Variants in KCNIP4 observed in about 807,000 individuals in gnomAD.
KCNIP4 encodes the protein Kv channel-interacting protein 4.
A neutral mutation model predicts 34.0 loss-of-function variants in KCNIP4; 12 were observed. The observed-to-expected ratio is 0.35, with a 90% CI of 0.23 to 0.57. The LOEUF (loss-of-function observed/expected upper bound fraction) is 0.57, where lower values mean the gene tolerates loss of function less well. Ranked by LOEUF, KCNIP4 falls within the 20% of genes least tolerant of loss-of-function variation. KCNIP4 has a pLI of 0.83. For synonymous variants in KCNIP4, 124 were observed against 102.2 expected (o/e 1.21, Z -1.29); for missense variants, 238 against 311.7 (o/e 0.76, Z 1.78).
intron 1 of KCNIP4, among the ~76,000 whole-genome samples, chr4:21,624,635 C>A (rs1317146048): frequency 6.6e-6 from 1 of 152,018 alleles, no homozygotes; most frequent in Non-Finnish European, 1.5e-5. Flanking sequence ...GTGCCAAAAT[C>A]TTAGAAATAA....
rs185028234 is a variant in KCNIP4, at chr4:21,558,263, A to G, written c.61+390308T>C. Among the ~76,000 whole-genome samples the G allele has an allele frequency of 8.1e-3, 1,235 of 152,200 alleles. 8 individuals carry two copies. The highest frequency in any genetic ancestry group is 0.014 in the Non-Finnish European group (952 of 68,000). ...TCCCAGCACTTTGGGAGGCCAAGGTAGGTGGATCACTTGAGGCCAGGAGTT... is the reference window on the plus strand; with the variant it reads ...TCCCAGCACTTTGGGAGGCCAAGGTGGGTGGATCACTTGAGGCCAGGAGTT... On this transcript the variant is annotated intron_variant, in intron 1 of 8. Coordinates refer to ENST00000382152, the MANE Select transcript of KCNIP4 (RefSeq NM_025221.6).
intron 1 of KCNIP4, among the ~76,000 whole-genome samples, chr4:21,824,549 T>C (rs1007990850): frequency 2.0e-5 from 3 of 152,056 alleles, no homozygotes; most frequent in East Asian, 1.9e-4. Flanking sequence ...AAAAATCCAC[T>C]TGGACCCCCT....
rs140383267 is a variant in KCNIP4 at position 21,400,061 on chromosome 4, C to T, written c.62-517352G>A. On this transcript the variant is annotated intron_variant, in intron 1 of 8. Coordinates refer to ENST00000382152, the MANE Select transcript of KCNIP4 (RefSeq NM_025221.6). The stretch of plus-strand genomic sequence containing the variant: ...CAAATCCCTTTTTCCTGCTCTGATC[C>T]CATCTCTTCCTTGGATTCAACCTCA... Among the ~76,000 whole-genome samples, 8 of 152,248 alleles carry T rather than the reference C, an allele frequency of 5.3e-5. No individual in the cohort carries two copies. In the East Asian group the frequency reaches 1.5e-3, roughly 29 times the overall value.
At chr4:21,419,136 T>C (rs1470702564) in intron 1 of KCNIP4, among the ~76,000 whole-genome samples, 1 of 152,220 alleles carries the variant, frequency 6.6e-6, no homozygotes, top group Non-Finnish European at 1.5e-5. Context: ...CATTCTGCCA[T>C]ATTATATTTT....
At chr4:20,991,137 GC>G (rs1737046548) in intron 1 of KCNIP4, among the ~76,000 whole-genome samples, 1 of 152,170 alleles carries the variant, frequency 6.6e-6, no homozygotes, top group Non-Finnish European at 1.5e-5. Context: ...TCACTCAAGA[GC>G]CAGGGTTCTT....
chr4:21,186,854 G>A (rs1755267182), intron 1 of KCNIP4, among the ~76,000 whole-genome samples: 1 of 152,042 alleles, frequency 6.6e-6, no homozygotes, highest in Admixed American at 6.6e-5. Flanking sequence ...TTACTATGTT[G>A]CCCAGGCTGA....
At chr4:21,505,270 A>C (rs1733741451) in intron 1 of KCNIP4, among the ~76,000 whole-genome samples, 1 of 115,206 alleles carries the variant, frequency 8.7e-6, no homozygotes, top group Non-Finnish European at 1.7e-5. Context: ...GCAGTACTAC[A>C]GGAAAAAAAA....
chr4:21,267,274 G>T (rs1295957083), intron 1 of KCNIP4, among the ~76,000 whole-genome samples: 1 of 152,030 alleles, frequency 6.6e-6, no homozygotes, highest in African/African-American at 2.4e-5. Context: ...AGTGCATTAA[G>T]CTGCCTTTTA....
At position 21,209,265 on chromosome 4, in the gene KCNIP4, A is replaced by T. The variant is rs77859763; in HGVS notation, c.62-326556T>A. ...CATTTATCATTCTTTTGTGTTGGGA[A>T]CACTCAGTATCCTTCTAACTATTTG... On this transcript the variant is annotated intron_variant, in intron 1 of 8. Coordinates refer to ENST00000382152, the MANE Select transcript of KCNIP4 (RefSeq NM_025221.6). Among the ~76,000 whole-genome samples the T allele has an allele frequency of 9.0e-3, 1,368 of 152,246 alleles. 17 individuals are homozygous for T. The highest frequency in any genetic ancestry group is 0.03 in the African/African-American group (1,262 of 41,546).
At chr4:21,768,800 G>A (rs1046110567) in intron 1 of KCNIP4, among the ~76,000 whole-genome samples, 2 of 151,784 alleles carry the variant, frequency 1.3e-5, no homozygotes, top group African/African-American at 4.8e-5. Flanking sequence ...GATAATCTCT[G>A]GTATACAGCC....
At chr4:21,702,547 G>A (rs1041030796) in intron 1 of KCNIP4, among the ~76,000 whole-genome samples, 3 of 151,992 alleles carry the variant, frequency 2.0e-5, no homozygotes, top group Non-Finnish European at 4.4e-5. Flanking sequence ...ATTCACCAAA[G>A]ATTAAATAGA....
intron 1 of KCNIP4, among the ~76,000 whole-genome samples, chr4:21,932,925 T>G (rs1281797887): frequency 6.6e-6 from 1 of 151,762 alleles, no homozygotes; most frequent in Non-Finnish European, 1.5e-5. Context: ...ATTTTACAGA[T>G]AGGGGTCCAT....
chr4:20,933,903 T>C (rs1730765841), intron 1 of KCNIP4, among the ~76,000 whole-genome samples: 2 of 152,180 alleles, frequency 1.3e-5, no homozygotes, highest in Non-Finnish European at 2.9e-5. Flanking sequence ...AAATGGATGG[T>C]TGGCCATTCT....
rs1747634197 is a variant in KCNIP4, at chr4:21,653,066, G to A, written c.61+295505C>T. On this transcript the variant is annotated intron_variant, in intron 1 of 8. Coordinates refer to ENST00000382152, the MANE Select transcript of KCNIP4 (RefSeq NM_025221.6). ...GACTTCAAGAGCACCAGACCTCTCT[G>A]GTGATATTCCACAAATTCATTATGC... Among the ~76,000 whole-genome samples, 3 of 152,164 alleles carry A rather than the reference G, an allele frequency of 2.0e-5. No homozygotes were observed. The South Asian group carries it at 6.2e-4, about 32-fold the overall frequency.
At chr4:21,638,606 T>C (rs1746395276) in intron 1 of KCNIP4, among the ~76,000 whole-genome samples, 1 of 152,172 alleles carries the variant, frequency 6.6e-6, no homozygotes, top group African/African-American at 2.4e-5. Flanking sequence ...CTGACATTTC[T>C]TGGGCAGCAA....
At chr4:21,657,132 C>T (rs1248830437) in intron 1 of KCNIP4, among the ~76,000 whole-genome samples, 2 of 152,132 alleles carry the variant, frequency 1.3e-5, no homozygotes, top group Non-Finnish European at 2.9e-5. Flanking sequence ...TATTAACCAC[C>T]CTGAGTAGTC....
chr4:21,673,360 T>C (rs1481434006), intron 1 of KCNIP4, among the ~76,000 whole-genome samples: 1 of 152,222 alleles, frequency 6.6e-6, no homozygotes, highest in Non-Finnish European at 1.5e-5. Context: ...GATCAGGATA[T>C]ACTGTCTTCT....
At chr4:21,686,566 T>C (rs1750817014) in intron 1 of KCNIP4, among the ~76,000 whole-genome samples, 1 of 152,210 alleles carries the variant, frequency 6.6e-6, no homozygotes, top group African/African-American at 2.4e-5. Context: ...CATTTATACA[T>C]AAATCAACCA....
chr4:21,910,671 G>C (rs1015976189), intron 1 of KCNIP4, among the ~76,000 whole-genome samples: 2 of 152,158 alleles, frequency 1.3e-5, no homozygotes, highest in Non-Finnish European at 2.9e-5. Flanking sequence ...TTATATAAGG[G>C]AGGCTTTTCA....
Sources: allele counts gnomAD v4.1 joint callset (sites outside exome capture counted in the v4.1 genomes callset), GRCh38; gene constraint gnomAD v4.1.1; transcripts MANE v1.5; gene names NCBI Gene and HGNC (gene_info 2026-07-23, HGNC 2026-07-21).